MSH3: variants seen among roughly 807,000 people sequenced by gnomAD.
MSH3 encodes the protein DNA mismatch repair protein Msh3.
Under a neutral mutation model 123.3 loss-of-function variants are expected in MSH3, and 106 were observed. That is an observed-to-expected ratio of 0.86 (90% CI 0.73 to 1.01). MSH3 has a LOEUF of 1.01. Ranked by LOEUF, MSH3 falls within the 50% of genes least tolerant of loss-of-function variation. The pLI is 0.00. For synonymous variants in MSH3, 515 were observed against 481.4 expected (o/e 1.07, Z -0.91); for missense variants, 1,459 against 1,347.6 (o/e 1.08, Z -1.29).
intron 17 of MSH3, among the ~76,000 whole-genome samples, chr5:80,782,744 A>G (rs553540267): frequency 6.6e-6 from 1 of 152,354 alleles, no homozygotes; most frequent in South Asian, 2.1e-4. Flanking sequence ...ATTGATTGTT[A>G]TGTACACTAT....
chr5:80,753,021 T>TA (rs578028075), intron 12 of MSH3, among the ~76,000 whole-genome samples: 208 of 152,268 alleles, frequency 1.4e-3, no homozygotes, highest in South Asian at 2.7e-3. Context: ...GGGTTAGAGA[T>TA]ACAGGTAGGC....
At chr5:80,698,377 C>T (rs981712483) in intron 8 of MSH3, among the ~76,000 whole-genome samples, 1 of 152,162 alleles carries the variant, frequency 6.6e-6, no homozygotes, top group African/African-American at 2.4e-5. Flanking sequence ...AGAAAGATCC[C>T]TCCTTTCCAA....
intron 7 of MSH3, among the ~76,000 whole-genome samples, chr5:80,676,238 A>C (rs1472215255): frequency 6.6e-6 from 1 of 152,084 alleles, no homozygotes; most frequent in Non-Finnish European, 1.5e-5. Flanking sequence ...ACCACGTTGG[A>C]CAGGCTGGTC....
intron 8 of MSH3, among the ~76,000 whole-genome samples, chr5:80,683,139 C>G (rs1427893622): frequency 6.6e-6 from 1 of 152,184 alleles, no homozygotes; most frequent in Non-Finnish European, 1.5e-5. Flanking sequence ...CAAATCTTAG[C>G]TCTTGTGAAT....
At chr5:80,816,412 A>C (rs1745103299) in intron 20 of MSH3, among the ~76,000 whole-genome samples, 1 of 152,206 alleles carries the variant, frequency 6.6e-6, no homozygotes, top group African/African-American at 2.4e-5. Flanking sequence ...GCATGTGCAA[A>C]AGTCCTTTAG....
intron 8 of MSH3, among the ~76,000 whole-genome samples, chr5:80,699,629 A>AATGTCTATTT (rs1429865090): frequency 5.9e-5 from 9 of 151,684 alleles, no homozygotes; most frequent in Non-Finnish European, 7.4e-5. Flanking sequence ...TATGGTAATC[A>AATGTCTATTT]ATGTCTATTT....
At position 80,876,068 on chromosome 5, in the gene MSH3, T is replaced by G; in HGVS notation, c.*206T>G. ...TAACTTTTCTACGTATAAACACTCT[T>G]GAATAGACTTCCACTTTGTAATTAG... On this transcript the variant is annotated 3_prime_UTR_variant, in exon 24 of 24. Coordinates refer to ENST00000265081, the MANE Select transcript of MSH3 (RefSeq NM_002439.5). The G allele has an allele frequency of 1.8e-6, 1 of 552,696 alleles. No individual in the cohort carries two copies. The highest frequency in any genetic ancestry group is 3.2e-6 in the Non-Finnish European group (1 of 312,342). The allele number at this position is 552,696 out of a possible 1,614,324, so 34.2% of individuals were successfully genotyped here.
At chr5:80,857,621 C>G (rs1240937443) in intron 21 of MSH3, among the ~76,000 whole-genome samples, 1 of 152,086 alleles carries the variant, frequency 6.6e-6, no homozygotes, top group African/African-American at 2.4e-5. Context: ...CTCATTGTGT[C>G]TTTTAAGGAA....
At chr5:80,866,862 AT>A (rs1418083894) in intron 22 of MSH3, among the ~76,000 whole-genome samples, 1 of 152,072 alleles carries the variant, frequency 6.6e-6, no homozygotes, top group Non-Finnish European at 1.5e-5. Context: ...GACTGTCCTC[AT>A]TTTTTCCATT....
chr5:80,806,367 G>A (rs1173046177), intron 19 of MSH3, among the ~76,000 whole-genome samples: 3 of 152,326 alleles, frequency 2.0e-5, no homozygotes, highest in South Asian at 2.1e-4. Context: ...AAAGTGCTGG[G>A]ATTACATGCG....
chr5:80,841,834 T>A (rs245368), intron 20 of MSH3, among the ~76,000 whole-genome samples: 133,928 of 151,916 alleles, frequency 0.88, 59,231 homozygotes, highest in East Asian at 1. Flanking sequence ...GATTGCAAAA[T>A]TTTTCTCCCA....
chr5:80,828,771 C>T (rs2112075659), intron 20 of MSH3, among the ~76,000 whole-genome samples: 1 of 152,274 alleles, frequency 6.6e-6, no homozygotes, highest in South Asian at 2.1e-4. Flanking sequence ...AAAACTAAGC[C>T]TTGAGGCTCC....
chr5:80,854,690 G>A (rs1490754272), intron 21 of MSH3, among the ~76,000 whole-genome samples: 1 of 152,150 alleles, frequency 6.6e-6, no homozygotes, highest in Non-Finnish European at 1.5e-5. Flanking sequence ...AGTCCTGCAA[G>A]TGATCATTAG....
chr5:80,768,950 C>A lies in MSH3; in HGVS notation c.2200C>A (p.Arg734=). 6.2e-7 allele frequency: 1 copy of A among 1,612,836 alleles called. No homozygotes were observed. The highest frequency in any genetic ancestry group is 1.1e-5 in the South Asian group (1 of 91,012). The stretch of plus-strand genomic sequence containing the variant: ...GATCCGAATGCATTTGCAAGAAATA[C>A]GAAAAATACTAAAAAATCCTTCTGC... ...DEIRMHLQEI[R]KILKNPSAQY... The change falls in exon 15 of 24, where the codon CGA becomes AGA. Residue 734 remains arginine (R), a synonymous_variant. Transcript: ENST00000265081.
At chr5:80,858,113 T>C (rs368739992) in intron 21 of MSH3, among the ~76,000 whole-genome samples, 1 of 152,122 alleles carries the variant, frequency 6.6e-6, no homozygotes, top group African/African-American at 2.4e-5. Context: ...GGCATGAACA[T>C]AGCCCACTGC....
At chr5:80,760,595 C>T (rs1744014846) in intron 12 of MSH3, among the ~76,000 whole-genome samples, 2 of 152,004 alleles carry the variant, frequency 1.3e-5, no homozygotes, top group Admixed American at 6.5e-5. Context: ...TCTTGTTGGT[C>T]ATTGTTTAAC....
At chr5:80,797,066 C>T (rs1643974292) in intron 19 of MSH3, among the ~76,000 whole-genome samples, 1 of 150,272 alleles carries the variant, frequency 6.7e-6, no homozygotes. Context: ...GCCTCACACA[C>T]TCCAACATCC....
intron 20 of MSH3, among the ~76,000 whole-genome samples, chr5:80,850,956 A>G (rs1318662730): frequency 6.6e-6 from 1 of 152,198 alleles, no homozygotes; most frequent in African/African-American, 2.4e-5. Flanking sequence ...TCCTTTTTCT[A>G]GCAGACTCCT....
chr5:80,753,257 A>G (rs1743867763), intron 12 of MSH3, among the ~76,000 whole-genome samples: 1 of 152,142 alleles, frequency 6.6e-6, no homozygotes, highest in African/African-American at 2.4e-5. Context: ...TCAGATGACC[A>G]AGGCTTCCAG....
Sources: allele counts gnomAD v4.1 joint callset (sites outside exome capture counted in the v4.1 genomes callset), GRCh38; gene constraint gnomAD v4.1.1; transcripts MANE v1.5; gene names NCBI Gene and HGNC (gene_info 2026-07-23, HGNC 2026-07-21).